Variants in GRM8 observed in about 807,000 individuals in gnomAD.
GRM8 encodes the protein metabotropic glutamate receptor 8.
Under a neutral mutation model 87.2 loss-of-function variants are expected in GRM8, and 47 were observed. That is an observed-to-expected ratio of 0.54 (90% CI 0.43 to 0.69). GRM8 has a LOEUF of 0.69. Ranked by LOEUF, GRM8 falls within the 30% of genes least tolerant of loss-of-function variation. The pLI, the probability that GRM8 is intolerant of heterozygous loss-of-function variation, is 0.00. For synonymous variants in GRM8, 396 were observed against 404.5 expected, an observed-to-expected ratio of 0.98 and a Z score of 0.25; for missense variants, 1,019 against 1,139.2, an observed-to-expected ratio of 0.89 and a Z score of 1.52.
chr7:127,060,255 AAATATTT>A (rs1820477076), intron 3 of GRM8, among the ~76,000 whole-genome samples: 1 of 152,196 alleles, frequency 6.6e-6, no homozygotes, highest in South Asian at 2.1e-4. Context: ...AAACTTGATA[AAATATTT>A]AATGTATGGC....
At chr7:127,086,286 G>C (rs1308589523) in intron 3 of GRM8, among the ~76,000 whole-genome samples, 2 of 152,128 alleles carry the variant, frequency 1.3e-5, no homozygotes, top group Non-Finnish European at 1.5e-5. Context: ...ATTTTTAGTA[G>C]AGGCCAGGTT....
chr7:127,020,931 G>A (rs143386977), intron 3 of GRM8, among the ~76,000 whole-genome samples: 20 of 152,080 alleles, frequency 1.3e-4, no homozygotes, highest in Non-Finnish European at 2.5e-4. Flanking sequence ...ATTCCACAGA[G>A]CTTCCCTTAG....
chr7:126,926,869 A>C (rs1805186653), intron 3 of GRM8, among the ~76,000 whole-genome samples: 1 of 152,240 alleles, frequency 6.6e-6, no homozygotes, highest in East Asian at 1.9e-4. Flanking sequence ...CAAACAGATT[A>C]TAAACCTCTA....
chr7:127,003,322 T>C (rs896032582), intron 3 of GRM8, among the ~76,000 whole-genome samples: 5 of 151,718 alleles, frequency 3.3e-5, no homozygotes, highest in African/African-American at 7.2e-5. Context: ...CTGTAAAGAA[T>C]CTCCACACTT....
intron 8 of GRM8, among the ~76,000 whole-genome samples, chr7:126,596,446 T>C (rs1168627278): frequency 6.6e-6 from 1 of 152,202 alleles, no homozygotes; most frequent in Admixed American, 6.5e-5. Flanking sequence ...GTTGGCTACA[T>C]GTATGCCTTC....
intron 2 of GRM8, among the ~76,000 whole-genome samples, chr7:127,230,597 G>A (rs1411409049): frequency 6.6e-6 from 1 of 152,100 alleles, no homozygotes; most frequent in Non-Finnish European, 1.5e-5. Context: ...TCATTGTGAT[G>A]GTATTTAAAG....
intron 3 of GRM8, among the ~76,000 whole-genome samples, chr7:126,928,073 A>G (rs911531501): frequency 6.6e-6 from 1 of 152,144 alleles, no homozygotes; most frequent in Non-Finnish European, 1.5e-5. Context: ...TTGCAGGGAC[A>G]TGGATGACGC....
At position 127,005,131 on chromosome 7, in the gene GRM8, T is replaced by C. The variant is rs866850479; in HGVS notation, c.728-100448A>G. Reference sequence around the variant, plus strand: ...TTACTGCTAGGAACTTTTTTTTTTTTTTTTTTGGCCTAGTATTTTGAAGTA... The same window carrying C: ...TTACTGCTAGGAACTTTTTTTTTTTCTTTTTTGGCCTAGTATTTTGAAGTA... On this transcript the variant is annotated intron_variant, in intron 3 of 10. Transcript: ENST00000339582. Among the ~76,000 whole-genome samples, 1,258 of 151,222 alleles carry C rather than the reference T, an allele frequency of 8.3e-3. 18 individuals are homozygous for C. Among genetic ancestry groups the C allele is most frequent in the African/African-American group, 0.028 (1,152 of 41,394 alleles).
At chr7:126,481,750 T>A (rs969459489) in intron 9 of GRM8, among the ~76,000 whole-genome samples, 2 of 152,182 alleles carry the variant, frequency 1.3e-5, no homozygotes, top group Middle Eastern at 3.4e-3. Flanking sequence ...TCAAAGAGGA[T>A]ATTAATGGAA....
intron 9 of GRM8, among the ~76,000 whole-genome samples, chr7:126,473,339 G>A (rs1805519091): frequency 6.6e-6 from 1 of 152,226 alleles, no homozygotes; most frequent in Non-Finnish European, 1.5e-5. Context: ...TGTGAAACAT[G>A]TAGTCAAAGG....
intron 3 of GRM8, among the ~76,000 whole-genome samples, chr7:127,096,546 T>C (rs1296327825): frequency 6.7e-6 from 1 of 148,918 alleles, no homozygotes; most frequent in East Asian, 2.0e-4. Context: ...AGTGACAGAG[T>C]GAGACTGGGT....
intron 6 of GRM8, among the ~76,000 whole-genome samples, chr7:126,811,194 T>C: frequency 6.6e-6 from 1 of 152,150 alleles, no homozygotes; most frequent in Non-Finnish European, 1.5e-5. Flanking sequence ...TGTGGCTTTA[T>C]TTCTGGCTAC....
intron 2 of GRM8, among the ~76,000 whole-genome samples, chr7:127,232,227 G>GAC (rs2116816333): frequency 6.6e-6 from 1 of 151,802 alleles, no homozygotes; most frequent in South Asian, 2.1e-4. Context: ...GAGAGAGAGA[G>GAC]AGAGAGAGAG....
At chr7:126,453,070 A>AAC (rs71177555) in intron 9 of GRM8, among the ~76,000 whole-genome samples, 4,695 of 145,980 alleles carry the variant, frequency 0.032, 145 homozygotes, top group African/African-American at 0.09. Context: ...TTATAGCAGA[A>AAC]ACACACACAC....
chr7:126,834,930 G>T (rs932653131), intron 6 of GRM8, among the ~76,000 whole-genome samples: 1 of 151,866 alleles, frequency 6.6e-6, no homozygotes, highest in Admixed American at 6.6e-5. Context: ...TAAAAAATTA[G>T]CCAGGTGTGG....
chr7:126,459,215 A>C (rs755793241), intron 9 of GRM8, among the ~76,000 whole-genome samples: 1 of 151,562 alleles, frequency 6.6e-6, no homozygotes, highest in Non-Finnish European at 1.5e-5. Context: ...CTTTACACCA[A>C]TAAATATATA....
chr7:126,966,284 A>G (rs1809853021), intron 3 of GRM8, among the ~76,000 whole-genome samples: 1 of 151,998 alleles, frequency 6.6e-6, no homozygotes, highest in East Asian at 1.9e-4. Context: ...ACAGGCATGT[A>G]CCACCACACC....
chr7:127,138,895 A>G (rs1828100123), intron 2 of GRM8, among the ~76,000 whole-genome samples: 1 of 152,176 alleles, frequency 6.6e-6, no homozygotes, highest in Non-Finnish European at 1.5e-5. Context: ...CAGTGATAAT[A>G]ACAAAAACAT....
intron 2 of GRM8, among the ~76,000 whole-genome samples, chr7:127,157,108 G>A (rs537575515): frequency 4.2e-4 from 63 of 151,612 alleles, no homozygotes; most frequent in Admixed American, 3.0e-3. Context: ...AAAGAAAGGG[G>A]AAAAACTATA....
Sources: gnomAD v4.1 joint callset for allele counts (sites outside exome capture counted in the v4.1 genomes callset) on GRCh38, gnomAD v4.1.1 for gene constraint, MANE v1.5 for transcripts, NCBI Gene and HGNC (gene_info 2026-07-23, HGNC 2026-07-21) for gene names.